Variants in SCN11A observed in about 807,000 individuals in gnomAD.
SCN11A encodes the protein sodium channel protein type 11 subunit alpha.
A neutral mutation model predicts 162.2 loss-of-function variants in SCN11A; 122 were observed. The ratio of observed to expected loss-of-function variants is 0.75; its 90% confidence interval spans 0.65 to 0.87. The LOEUF is 0.87. SCN11A is among the 40% of genes least tolerant of loss of function. SCN11A has a pLI of 0.00. For synonymous variants in SCN11A, 758 were observed against 751.5 expected, an observed-to-expected ratio of 1.01 and a Z score of -0.14; for missense variants, 2,015 against 2,181.6, an observed-to-expected ratio of 0.92 and a Z score of 1.52.
chr3:38,850,033 G>A, intron 29 of SCN11A: 1 of 162,596 alleles, frequency 6.2e-6, no homozygotes, highest in Non-Finnish European at 1.3e-5. Context: ...AGTGCCACAG[G>A]GGCACAATAA....
intron 5 of SCN11A, 30 bp from the exon 6 acceptor site, chr3:38,946,937 A>T: frequency 8.4e-7 from 1 of 1,196,780 alleles, no homozygotes; most frequent in Non-Finnish European, 1.2e-6. Flanking sequence ...ATACAAGAAA[A>T]CACACACATA....
chr3:39,008,865 G>C (rs149731789), intron 2 of SCN11A, among the ~76,000 whole-genome samples: 114 of 144,506 alleles, frequency 7.9e-4, no homozygotes, highest in African/African-American at 3.1e-3. Flanking sequence ...CTGGGCAACA[G>C]AGCAAGACTC....
chr3:38,928,467 C>T (rs2066178612), intron 7 of SCN11A, among the ~76,000 whole-genome samples: 1 of 152,134 alleles, frequency 6.6e-6, no homozygotes, highest in Admixed American at 6.5e-5. Flanking sequence ...AAGCAAACCA[C>T]CATGGCACAC....
chr3:38,883,099 T>G, intron 22 of SCN11A, 134 bp downstream of exon 22: 2 of 725,818 alleles, frequency 2.8e-6, no homozygotes, highest in Non-Finnish European at 4.5e-6. Flanking sequence ...CCCTGCCCAC[T>G]GCGGGAACCA....
intron 4 of SCN11A, chr3:38,950,606 G>A (rs375343877): frequency 5.9e-6 from 3 of 510,214 alleles, no homozygotes; most frequent in African/African-American, 3.8e-5. Flanking sequence ...ATTCCTGGAG[G>A]ACCTGGCAAA....
chr3:38,925,000 C>A (rs1158135586), intron 9 of SCN11A, among the ~76,000 whole-genome samples: 1 of 152,126 alleles, frequency 6.6e-6, no homozygotes, highest in African/African-American at 2.4e-5. Flanking sequence ...TCAATGACAA[C>A]TATCGTGATC....
At chr3:38,993,392 G>C (rs1034338543) in intron 2 of SCN11A, among the ~76,000 whole-genome samples, 1 of 152,158 alleles carries the variant, frequency 6.6e-6, no homozygotes, top group Non-Finnish European at 1.5e-5. Flanking sequence ...CACTCTCCTC[G>C]GCCAGGTTAT....
intron 23 of SCN11A, among the ~76,000 whole-genome samples, chr3:38,878,466 T>C (rs1469914614): frequency 6.6e-6 from 1 of 152,074 alleles, no homozygotes; most frequent in Non-Finnish European, 1.5e-5. Context: ...AGGGCTTGTA[T>C]CCGGTAAAAC....
chr3:38,967,417 G>C (rs2066789880), intron 2 of SCN11A, among the ~76,000 whole-genome samples: 3 of 152,180 alleles, frequency 2.0e-5, no homozygotes, highest in African/African-American at 7.2e-5. Flanking sequence ...GATTCCACGT[G>C]GGGAGCATCT....
At chr3:38,957,736 T>C (rs999228568) in intron 3 of SCN11A, among the ~76,000 whole-genome samples, 19 of 152,230 alleles carry the variant, frequency 1.2e-4, no homozygotes, top group Non-Finnish European at 2.4e-4. Context: ...AAGGCCTCAC[T>C]TTCCAAAGCT....
chr3:38,905,215 C>A lies in SCN11A; in HGVS notation c.1580G>T (p.Ser527Ile). ...LQRQRALSAV[S>I]ILTITMKEQE... ...ACCCTTCATGGTGATGGTGAGGATG[C>A]TGACAGCACTCAGTGCTCTCTGCCT... The change falls in exon 15 of 30, where the codon AGC becomes ATC. Residue 527 changes from serine (S) to isoleucine (I), a missense_variant. Physicochemically the swap from Ser to Ile is moderately radical, Grantham distance 142. Transcript: ENST00000302328. 1 of 1,614,060 alleles carries A rather than the reference C, an allele frequency of 6.2e-7. No homozygotes were observed. Among genetic ancestry groups the A allele is most frequent in the South Asian group, 1.1e-5 (1 of 91,072 alleles).
chr3:38,979,806 A>G (rs2029950909), intron 2 of SCN11A, among the ~76,000 whole-genome samples: 1 of 152,148 alleles, frequency 6.6e-6, no homozygotes, highest in Non-Finnish European at 1.5e-5. Flanking sequence ...ACAGTCCTAA[A>G]TTCATATATG....
intron 2 of SCN11A, among the ~76,000 whole-genome samples, chr3:38,984,983 A>T (rs536194671): frequency 9.3e-5 from 14 of 151,284 alleles, no homozygotes; most frequent in Admixed American, 1.3e-4. Context: ...GATGAGGCAG[A>T]GATGTAGGCA....
intron 23 of SCN11A, among the ~76,000 whole-genome samples, chr3:38,873,713 C>T (rs2065164618): frequency 6.6e-6 from 1 of 152,172 alleles, no homozygotes; most frequent in African/African-American, 2.4e-5. Flanking sequence ...TTCCATCAGA[C>T]TTGCAGGTAT....
At chr3:39,035,017 T>C (rs1263903003) in intron 1 of SCN11A, among the ~76,000 whole-genome samples, 2 of 152,252 alleles carry the variant, frequency 1.3e-5, no homozygotes, top group Non-Finnish European at 2.9e-5. Flanking sequence ...AAAATGTCCA[T>C]ACCACCAAAA....
intron 2 of SCN11A, among the ~76,000 whole-genome samples, chr3:38,963,474 G>T (rs1423067915): frequency 1.5e-5 from 2 of 132,036 alleles, no homozygotes; most frequent in African/African-American, 5.8e-5. Flanking sequence ...ATATGATGGA[G>T]ATATATATAT....
At chr3:38,930,395 T>A (rs2066222795) in intron 7 of SCN11A, among the ~76,000 whole-genome samples, 1 of 152,234 alleles carries the variant, frequency 6.6e-6, no homozygotes, top group African/African-American at 2.4e-5. Flanking sequence ...ATGTCTGTCC[T>A]AAAATATGTG....
intron 11 of SCN11A, among the ~76,000 whole-genome samples, chr3:38,919,444 A>G (rs986044516): frequency 6.6e-6 from 1 of 152,256 alleles, no homozygotes; most frequent in Admixed American, 6.5e-5. Context: ...GAAGGAAAAA[A>G]GAGTTTCCCC....
chr3:38,999,956 A>T (rs1041780773), intron 2 of SCN11A, among the ~76,000 whole-genome samples: 2 of 152,334 alleles, frequency 1.3e-5, no homozygotes, highest in Non-Finnish European at 1.5e-5. Context: ...AGCACCTGGA[A>T]AGGTGATCAG....
Sources: gnomAD v4.1 joint callset for allele counts (sites outside exome capture counted in the v4.1 genomes callset) on GRCh38, gnomAD v4.1.1 for gene constraint, MANE v1.5 for transcripts, NCBI Gene and HGNC (gene_info 2026-07-23, HGNC 2026-07-21) for gene names.